The following IPO11 variants were observed in gnomAD, a reference collection of about 807,000 sequenced individuals.
IPO11 encodes the protein importin-11.
Under a neutral mutation model 143.2 loss-of-function variants are expected in IPO11, and 66 were observed. The observed-to-expected ratio is 0.46, with a 90% confidence interval of 0.38 to 0.57. The LOEUF (loss-of-function observed/expected upper bound fraction) is 0.57. Ranked by LOEUF, IPO11 falls within the 20% of genes least tolerant of loss-of-function variation. The pLI is 0.00. For missense variants in IPO11, 1,026 were observed against 1,141.0 expected (o/e 0.90, Z 1.45); for synonymous variants, 385 against 377.8 (o/e 1.02, Z -0.22).
chr5:62,454,682 T>C (rs754750044), intron 5 of IPO11, among the ~76,000 whole-genome samples: 3 of 152,200 alleles, frequency 2.0e-5, no homozygotes, highest in Non-Finnish European at 4.4e-5. Flanking sequence ...TGTAGTTACT[T>C]TCAGTGTAGT....
intron 21 of IPO11, chr5:62,526,570 G>A (rs992382022): frequency 1.3e-5 from 3 of 238,278 alleles, no homozygotes; most frequent in Non-Finnish European, 2.5e-5. Context: ...TGTTAAATGA[G>A]ATGTTTGGGG....
At chr5:62,474,653 A>G (rs1237785539) in intron 8 of IPO11, among the ~76,000 whole-genome samples, 189 bp downstream of exon 8, 1 of 152,240 alleles carries the variant, frequency 6.6e-6, no homozygotes, top group African/African-American at 2.4e-5. Flanking sequence ...TGATAGCTGC[A>G]GAGATCCTAT....
chr5:62,464,360 C>T (rs887240099), intron 5 of IPO11, among the ~76,000 whole-genome samples: 6 of 151,504 alleles, frequency 4.0e-5, no homozygotes, highest in Non-Finnish European at 7.4e-5. Flanking sequence ...AGGATGGTCT[C>T]GATCTTTTGA....
chr5:62,532,646 C>G (rs1465060151), intron 22 of IPO11, among the ~76,000 whole-genome samples: 1 of 152,188 alleles, frequency 6.6e-6, no homozygotes, highest in African/African-American at 2.4e-5. Flanking sequence ...GCTTGAGCCA[C>G]CATGCCCAGC....
At chr5:62,534,219 G>A (rs956446982) in intron 22 of IPO11, among the ~76,000 whole-genome samples, 1 of 151,984 alleles carries the variant, frequency 6.6e-6, no homozygotes, top group African/African-American at 2.4e-5. Flanking sequence ...TTAAATCTAT[G>A]TTATGGTGTT....
chr5:62,440,945 G>A (rs778305508), intron 2 of IPO11, among the ~76,000 whole-genome samples: 3 of 151,624 alleles, frequency 2.0e-5, no homozygotes, highest in Non-Finnish European at 4.4e-5. Flanking sequence ...TCAGTGCAAC[G>A]GGAGTGAGAC....
chr5:62,517,485 C>T (rs374604495), intron 20 of IPO11, among the ~76,000 whole-genome samples: 3 of 152,164 alleles, frequency 2.0e-5, no homozygotes, highest in East Asian at 3.9e-4. Flanking sequence ...TCACTGCAAC[C>T]TCCACCTCCC....
At chr5:62,584,101 T>C (rs769512955) in intron 27 of IPO11, among the ~76,000 whole-genome samples, 27 of 152,328 alleles carry the variant, frequency 1.8e-4, no homozygotes, top group Non-Finnish European at 3.4e-4. Context: ...AGTATTTATT[T>C]ATAAACTATA....
At chr5:62,581,559 C>T in intron 27 of IPO11, 1 of 355,722 alleles carries the variant, frequency 2.8e-6, no homozygotes, top group Middle Eastern at 8.0e-4. Context: ...TCACATTTCA[C>T]ATTTAATCTG....
At chr5:62,549,004 T>A (rs1205585153) in intron 24 of IPO11, among the ~76,000 whole-genome samples, 2 of 152,162 alleles carry the variant, frequency 1.3e-5, no homozygotes, top group Non-Finnish European at 2.9e-5. Context: ...TACTGTCTGG[T>A]GATATCTGCC....
intron 27 of IPO11, among the ~76,000 whole-genome samples, chr5:62,583,323 C>T (rs1001410941): frequency 3.9e-5 from 6 of 152,092 alleles, no homozygotes; most frequent in East Asian, 1.9e-4. Context: ...CCACCTAAAC[C>T]GTACCCTCTT....
In IPO11 at chr5:62,595,094, T is replaced by G. The variant is rs139051389; in HGVS notation, c.2678+3422T>G. ...CAGTGGAACAACCTGGAATGCATGT[T>G]AGAAATGCAGATTCTCCTTCCTCAG... On this transcript the variant is annotated intron_variant, in intron 28 of 29. Transcript: ENST00000325324. 5.3e-4 allele frequency among the ~76,000 whole-genome samples: 80 copies of G among 152,344 alleles called. 2 individuals are homozygous for G. The highest frequency in any genetic ancestry group is 1.9e-3 in the African/African-American group (77 of 41,582).
intron 1 of IPO11, among the ~76,000 whole-genome samples, chr5:62,428,905 T>C (rs1743864426): frequency 6.6e-6 from 1 of 152,118 alleles, no homozygotes; most frequent in Admixed American, 6.6e-5. Context: ...GGACTGAAGC[T>C]GTCCTCCTGC....
intron 19 of IPO11, among the ~76,000 whole-genome samples, chr5:62,513,208 G>A (rs1412452789): frequency 2.6e-5 from 4 of 151,892 alleles, no homozygotes; most frequent in Non-Finnish European, 4.4e-5. Flanking sequence ...CTGGCCAGGC[G>A]GGGCGCTGAC....
At chr5:62,495,681 G>A (rs1741108866) in intron 16 of IPO11, among the ~76,000 whole-genome samples, 1 of 152,004 alleles carries the variant, frequency 6.6e-6, no homozygotes, top group South Asian at 2.1e-4. Flanking sequence ...ACATTGCCCA[G>A]GCTGGTCTTG....
chr5:62,553,684 T>C (rs990173146), intron 26 of IPO11, among the ~76,000 whole-genome samples: 14 of 152,046 alleles, frequency 9.2e-5, no homozygotes, highest in Non-Finnish European at 1.5e-5. Flanking sequence ...ATAGCCATTC[T>C]AACTGGAGTG....
intron 26 of IPO11, among the ~76,000 whole-genome samples, chr5:62,557,809 A>G (rs937342129): frequency 1.3e-5 from 2 of 152,144 alleles, no homozygotes; most frequent in African/African-American, 4.8e-5. Flanking sequence ...CGTTACACTG[A>G]TGAGGTTTGA....
intron 24 of IPO11, among the ~76,000 whole-genome samples, chr5:62,544,375 C>T (rs1424882476): frequency 6.6e-6 from 1 of 152,086 alleles, no homozygotes; most frequent in African/African-American, 2.4e-5. Flanking sequence ...TCAATAGATG[C>T]AGAAAAGGCC....
chr5:62,525,331 A>T (rs1190690775), intron 20 of IPO11, among the ~76,000 whole-genome samples: 1 of 145,904 alleles, frequency 6.9e-6, no homozygotes, highest in Non-Finnish European at 1.5e-5. Flanking sequence ...TGAAAATTTA[A>T]AATTCTGTGT....
Sources: allele counts gnomAD v4.1 joint callset (sites outside exome capture counted in the v4.1 genomes callset), GRCh38; gene constraint gnomAD v4.1.1; transcripts MANE v1.5; gene names NCBI Gene and HGNC (gene_info 2026-07-23, HGNC 2026-07-21).